FNBP1: variants seen among roughly 807,000 people sequenced by gnomAD.
FNBP1 encodes the protein formin binding protein 1, also known as formin-binding protein 1.
FNBP1 carries 26 observed loss-of-function variants against 90.6 expected under a neutral mutation model. The ratio of observed to expected loss-of-function variants is 0.29; its 90% confidence interval spans 0.21 to 0.40. The LOEUF is 0.40. Ranked by LOEUF, FNBP1 falls within the 10% of genes least tolerant of loss-of-function variation. The probability of loss-of-function intolerance (pLI) is 1.00; values close to 1 mark genes in which losing one functional copy is unlikely to be tolerated. For missense variants in FNBP1, 635 were observed against 768.0 expected (o/e 0.83, Z 2.05); for synonymous variants, 260 against 265.2 (o/e 0.98, Z 0.19).
intron 1 of FNBP1, among the ~76,000 whole-genome samples, chr9:130,016,364 G>T (rs1245497065): frequency 6.6e-6 from 1 of 152,092 alleles, no homozygotes; most frequent in African/African-American, 2.4e-5. Flanking sequence ...GTTCTAACAT[G>T]AGTTTCTTCT....
At chr9:129,999,490 C>G (rs188493475) in intron 1 of FNBP1, among the ~76,000 whole-genome samples, 6 of 151,662 alleles carry the variant, frequency 4.0e-5, no homozygotes, top group Middle Eastern at 3.4e-3. Context: ...CCCAGCTACT[C>G]GGGAGGCTGA....
At chr9:129,933,825 CAA>C (rs2043086027) in intron 6 of FNBP1, among the ~76,000 whole-genome samples, 1 of 152,154 alleles carries the variant, frequency 6.6e-6, no homozygotes, top group African/African-American at 2.4e-5. Flanking sequence ...AAAGCCGCAG[CAA>C]AAAGACAGGA....
At chr9:129,892,366 GACACACACACACACAC>G (rs3138855) in intron 16 of FNBP1, among the ~76,000 whole-genome samples, 70 of 103,478 alleles carry the variant, frequency 6.8e-4, no homozygotes, top group East Asian at 2.6e-3. Context: ...GCACATCGTA[GACACACACACACACAC>G]ACACACACAC....
At chr9:129,915,767 A>G (rs940006015) in intron 11 of FNBP1, among the ~76,000 whole-genome samples, 199 bp downstream of exon 11, 3 of 152,242 alleles carry the variant, frequency 2.0e-5, no homozygotes, top group Non-Finnish European at 4.4e-5. Context: ...TAGCAACTTG[A>G]AAAGATTAAG....
chr9:129,947,049 G>A (rs2045403129), intron 6 of FNBP1, among the ~76,000 whole-genome samples: 1 of 152,210 alleles, frequency 6.6e-6, no homozygotes, highest in Admixed American at 6.5e-5. Flanking sequence ...CAGAGTGACA[G>A]ACAAACTGTG....
chr9:129,981,120 C>A (rs953539572), intron 2 of FNBP1, among the ~76,000 whole-genome samples: 1 of 151,558 alleles, frequency 6.6e-6, no homozygotes, highest in Non-Finnish European at 1.5e-5. Context: ...CAGAGTTTCA[C>A]TCTTGTTTCC....
At chr9:130,039,511 C>A (rs1308500744) in intron 1 of FNBP1, among the ~76,000 whole-genome samples, 3 of 151,824 alleles carry the variant, frequency 2.0e-5, no homozygotes, top group Non-Finnish European at 4.4e-5. Context: ...CCCATCTCTA[C>A]TAAAAATAGA....
At chr9:130,034,678 C>T (rs577956566) in intron 1 of FNBP1, among the ~76,000 whole-genome samples, 97 of 152,274 alleles carry the variant, frequency 6.4e-4, no homozygotes, top group African/African-American at 2.1e-3. Context: ...TGCTTGAGTA[C>T]GAGCTTCATT....
intron 4 of FNBP1, among the ~76,000 whole-genome samples, chr9:129,967,204 G>A (rs962004752): frequency 1.3e-5 from 2 of 152,132 alleles, no homozygotes; most frequent in African/African-American, 4.8e-5. Flanking sequence ...ACATGGATAA[G>A]GACTTTGGGG....
Position 129,900,446 on chromosome 9 carries a change from G to C in FNBP1, c.1530C>G (p.Asn510Lys). ...TGTACCTCTCACGGTCCTGGGCGCA[G>C]TTGTTGACTGTGGGTGGGTTCTGGC... ...YDSQNPPTVNNCAQDRESPDG... is the reference protein window; with the variant it reads ...YDSQNPPTVNKCAQDRESPDG... Residue 510 changes from asparagine to lysine, a missense_variant, in exon 14 of 17, where the codon AAC becomes AAG. Coordinates refer to ENST00000446176, the MANE Select transcript of FNBP1 (RefSeq NM_015033.3). This position sits in a 1 kb window ranked among gnomAD's most constrained non-coding sequence, Gnocchi z 4.1. The C allele has an allele frequency of 6.2e-7, 1 of 1,602,620 alleles. No homozygotes were observed. Among genetic ancestry groups the C allele is most frequent in the Non-Finnish European group, 8.5e-7 (1 of 1,175,110 alleles).
intron 2 of FNBP1, among the ~76,000 whole-genome samples, chr9:129,991,890 A>G (rs1485453075): frequency 6.6e-6 from 1 of 151,822 alleles, no homozygotes; most frequent in Non-Finnish European, 1.5e-5. Context: ...CGATCTCCTG[A>G]CTTCGTGATC....
chr9:130,001,128 C>G (rs999904039), intron 1 of FNBP1, among the ~76,000 whole-genome samples: 1 of 151,758 alleles, frequency 6.6e-6, no homozygotes, highest in African/African-American at 2.4e-5. Flanking sequence ...GTCAGGAGCT[C>G]GAGACCAGCC....
At chr9:129,983,203 G>C (rs1289016949) in intron 2 of FNBP1, among the ~76,000 whole-genome samples, 1 of 152,068 alleles carries the variant, frequency 6.6e-6, no homozygotes, top group Non-Finnish European at 1.5e-5. Context: ...ATTCTTTATA[G>C]TTCTCTTTTA....
At chr9:129,937,660 G>A (rs1365164860) in intron 6 of FNBP1, among the ~76,000 whole-genome samples, 1 of 151,796 alleles carries the variant, frequency 6.6e-6, no homozygotes, top group Admixed American at 6.6e-5. Flanking sequence ...GAACCCAGGA[G>A]TTAGAGGTTA....
intron 16 of FNBP1, among the ~76,000 whole-genome samples, chr9:129,894,245 G>A (rs1456950148): frequency 6.6e-6 from 1 of 151,872 alleles, no homozygotes; most frequent in Non-Finnish European, 1.5e-5. Flanking sequence ...ATCTCGGGGT[G>A]GATTCTGGAA....
chr9:129,957,548 T>C lies in FNBP1; in HGVS notation c.409-84A>G, dbSNP rs2047144943. ...TATCTAAAGCTCCCAAAGAGCATTG[T>C]TCTTTTTCTTTTTTTTTTCTTCAGT... On this transcript the variant is annotated intron_variant, in intron 5 of 16. Transcript: ENST00000446176. This position sits in a 1 kb window ranked among gnomAD's most constrained non-coding sequence, Gnocchi z 4.3. 5 of 1,082,540 alleles carry C rather than the reference T, an allele frequency of 4.6e-6. No individual in the cohort carries two copies. Among genetic ancestry groups the C allele is most frequent in the Middle Eastern group, 2.0e-4 (1 of 4,946 alleles). The allele number at this position is 1,082,540 out of a possible 1,614,324, so 67.1% of individuals were successfully genotyped here.
intron 6 of FNBP1, among the ~76,000 whole-genome samples, chr9:129,934,505 T>G (rs1285337397): frequency 6.6e-6 from 1 of 152,058 alleles, no homozygotes; most frequent in Non-Finnish European, 1.5e-5. Context: ...GACAAACCCT[T>G]GGGAATCTCC....
chr9:130,048,093 G>T (rs956769811), upstream of FNBP1, among the ~76,000 whole-genome samples: 1 of 151,798 alleles, frequency 6.6e-6, no homozygotes, highest in African/African-American at 2.4e-5. Context: ...GCCGAGGCAG[G>T]CGGATCGCTT....
At chr9:129,989,660 T>C (rs1230730604) in intron 2 of FNBP1, among the ~76,000 whole-genome samples, 2 of 152,194 alleles carry the variant, frequency 1.3e-5, no homozygotes, top group African/African-American at 4.8e-5. Flanking sequence ...GGAGATGTTA[T>C]TCAAATGAGG....
Sources: gnomAD v4.1 joint callset for allele counts (sites outside exome capture counted in the v4.1 genomes callset) on GRCh38, gnomAD v4.1.1 for gene constraint, Gnocchi (gnomAD v3.1) non-coding constraint, MANE v1.5 for transcripts, NCBI Gene and HGNC (gene_info 2026-07-23, HGNC 2026-07-21) for gene names.